The following SLC26A7 variants were observed in gnomAD, a reference collection of about 807,000 sequenced individuals.
SLC26A7 encodes anion exchange transporter.
SLC26A7 carries 59 observed loss-of-function variants against 82.5 expected under a neutral mutation model. The observed-to-expected ratio is 0.72, with a 90% CI of 0.58 to 0.89. The LOEUF is 0.89. Ranked by LOEUF, SLC26A7 falls within the 40% of genes least tolerant of loss-of-function variation. SLC26A7 has a pLI of 0.00. For synonymous variants in SLC26A7, 271 were observed against 274.3 expected (o/e 0.99, Z 0.12); for missense variants, 820 against 793.0 (o/e 1.03, Z -0.41).
chr8:91,259,841 A>G (rs1263115518), intron 2 of SLC26A7, among the ~76,000 whole-genome samples: 1 of 152,010 alleles, frequency 6.6e-6, no homozygotes, highest in African/African-American at 2.4e-5. Flanking sequence ...CTCATGTCCA[A>G]TCTCCACCCT....
At chr8:91,240,058 CTACTT>C (rs1810453487) in intron 2 of SLC26A7, among the ~76,000 whole-genome samples, 1 of 152,290 alleles carries the variant, frequency 6.6e-6, no homozygotes, top group Non-Finnish European at 1.5e-5. Flanking sequence ...CCTTGGTACT[CTACTT>C]ATCTAAATTC....
At chr8:91,323,364 A>C (rs1586409284) in intron 5 of SLC26A7, among the ~76,000 whole-genome samples, 1 of 152,322 alleles carries the variant, frequency 6.6e-6, no homozygotes, top group African/African-American at 2.4e-5. Context: ...CAGAGAGCAA[A>C]TATTTTTGCA....
At chr8:91,327,058 AT>A (rs1251423415) in intron 5 of SLC26A7, among the ~76,000 whole-genome samples, 1 of 152,018 alleles carries the variant, frequency 6.6e-6, no homozygotes, top group South Asian at 2.1e-4. Context: ...CAAAGACCTT[AT>A]TTTTCCATAT....
At chr8:91,221,858 T>C (rs1810164995) in intron 2 of SLC26A7, among the ~76,000 whole-genome samples, 1 of 152,132 alleles carries the variant, frequency 6.6e-6, no homozygotes. Flanking sequence ...GTACAGGGTC[T>C]TCTGTGATTC....
chr8:91,216,307 C>T (rs1383146457), intron 1 of SLC26A7, among the ~76,000 whole-genome samples: 1 of 152,102 alleles, frequency 6.6e-6, no homozygotes, highest in African/African-American at 2.4e-5. Flanking sequence ...AAACTCTGCC[C>T]ATGCGATGTC....
At chr8:91,267,595 C>G (rs1031125684) in intron 2 of SLC26A7, among the ~76,000 whole-genome samples, 1 of 151,756 alleles carries the variant, frequency 6.6e-6, no homozygotes, top group East Asian at 1.9e-4. Context: ...TCTGTGGTAT[C>G]AATTGTAATA....
At chr8:91,293,491 C>A (rs1811931270) in intron 3 of SLC26A7, among the ~76,000 whole-genome samples, 1 of 152,192 alleles carries the variant, frequency 6.6e-6, no homozygotes, top group Non-Finnish European at 1.5e-5. Flanking sequence ...AAGCATTATC[C>A]TTGCTAAAGA....
chr8:91,224,470 G>A lies in SLC26A7; in HGVS notation c.-34+5465G>A, dbSNP rs368596703. On this transcript the variant is annotated intron_variant, in intron 2 of 5. Coordinates refer to the SLC26A7 transcript ENST00000522862. Reference sequence around the variant, plus strand: ...GTAGGGCTGCTGCAGTTGGCTGGGGGTTCACTTCAGGCCTTATTCATCTGA... The same window carrying A: ...GTAGGGCTGCTGCAGTTGGCTGGGGATTCACTTCAGGCCTTATTCATCTGA... Among the ~76,000 whole-genome samples, 8 of 152,216 alleles carry A rather than the reference G, an allele frequency of 5.3e-5. No individual in the cohort carries two copies. In the South Asian group the frequency reaches 1.7e-3, roughly 32 times the overall value.
intron 3 of SLC26A7, among the ~76,000 whole-genome samples, chr8:91,290,044 T>C (rs1811822359): frequency 6.6e-6 from 1 of 152,228 alleles, no homozygotes; most frequent in African/African-American, 2.4e-5. Context: ...ATAATTGATA[T>C]ACAGTGCCTA....
chr8:91,242,538 G>A (rs1056297996), intron 2 of SLC26A7, among the ~76,000 whole-genome samples: 7 of 152,152 alleles, frequency 4.6e-5, no homozygotes, highest in Non-Finnish European at 8.8e-5. Context: ...AGGGCCTCTG[G>A]GAGGCAGTTA....
intron 2 of SLC26A7, among the ~76,000 whole-genome samples, chr8:91,230,469 T>C (rs1268536265): frequency 6.6e-6 from 1 of 152,224 alleles, no homozygotes; most frequent in African/African-American, 2.4e-5. Flanking sequence ...GGGGACTTTC[T>C]CTATGCAATT....
intron 2 of SLC26A7, among the ~76,000 whole-genome samples, chr8:91,233,999 T>G (rs927889294): frequency 1.3e-5 from 2 of 152,252 alleles, no homozygotes; most frequent in Non-Finnish European, 2.9e-5. Context: ...AAACATCTGC[T>G]TATTCCAAAT....
intron 2 of SLC26A7, among the ~76,000 whole-genome samples, chr8:91,224,778 G>A (rs1307465177): frequency 1.3e-5 from 2 of 152,298 alleles, no homozygotes; most frequent in Non-Finnish European, 2.9e-5. Flanking sequence ...TCCTCAGAAC[G>A]ACCAGGAGGA....
chr8:91,307,880 G>A (rs1390329647), intron 4 of SLC26A7, among the ~76,000 whole-genome samples: 1 of 150,354 alleles, frequency 6.7e-6, no homozygotes, highest in South Asian at 2.1e-4. Context: ...AAATTTTTTT[G>A]TAGAAATGGG....
At chr8:91,247,853 G>A (rs1001510339), upstream of SLC26A7, among the ~76,000 whole-genome samples, 6 of 151,912 alleles carry the variant, frequency 3.9e-5, no homozygotes, top group African/African-American at 7.3e-5. Flanking sequence ...GTTAACATAC[G>A]TTAGAATTTA....
chr8:91,369,583 T>C (rs1217604195), intron 14 of SLC26A7, among the ~76,000 whole-genome samples: 1 of 152,186 alleles, frequency 6.6e-6, no homozygotes, highest in African/African-American at 2.4e-5. Context: ...AATTATTTAA[T>C]GAATTGCTGT....
intron 2 of SLC26A7, among the ~76,000 whole-genome samples, chr8:91,236,196 A>G (rs1001017405): frequency 6.6e-6 from 1 of 152,210 alleles, no homozygotes; most frequent in Non-Finnish European, 1.5e-5. Flanking sequence ...TAACTGCATG[A>G]AAAAGAAAAT....
chr8:91,284,585 G>A (rs772613815), intron 2 of SLC26A7, among the ~76,000 whole-genome samples: 7 of 152,154 alleles, frequency 4.6e-5, no homozygotes, highest in Non-Finnish European at 1.0e-4. Flanking sequence ...TGAGTCCTGA[G>A]AATATTGCCT....
intron 11 of SLC26A7, among the ~76,000 whole-genome samples, chr8:91,360,777 G>T (rs1164622670): frequency 1.3e-5 from 2 of 152,120 alleles, no homozygotes; most frequent in Non-Finnish European, 2.9e-5. Context: ...AAAGCTTTTG[G>T]TGAGGTATTA....
Sources: allele counts gnomAD v4.1 joint callset (sites outside exome capture counted in the v4.1 genomes callset), GRCh38; gene constraint gnomAD v4.1.1; transcripts MANE v1.5; gene names NCBI Gene and HGNC (gene_info 2026-07-23, HGNC 2026-07-21).